Variants in HPSE2 observed in about 807,000 individuals in gnomAD.
HPSE2 encodes heparanase 2 (inactive).
In HPSE2, 38 loss-of-function variants were observed where a neutral mutation model predicts 60.5. That is an observed-to-expected ratio of 0.63 (90% CI 0.48 to 0.82). The LOEUF (loss-of-function observed/expected upper bound fraction) is 0.82. Ranked by LOEUF, HPSE2 falls within the 40% of genes least tolerant of loss-of-function variation. The pLI, the probability that HPSE2 is intolerant of heterozygous loss-of-function variation, is 0.00. For missense variants in HPSE2, 713 were observed against 740.4 expected (o/e 0.96, Z 0.43); for synonymous variants, 295 against 293.2 (o/e 1.01, Z -0.06).
chr10:99,073,288 T>C lies in HPSE2; in HGVS notation c.610+70950A>G, dbSNP rs1356465401. Among the ~76,000 whole-genome samples, 6 of 152,116 alleles carry C rather than the reference T, an allele frequency of 3.9e-5. No homozygotes were observed. In the South Asian group the frequency reaches 1.0e-3, roughly 26 times the overall value. ...GGTAGAGATACACAATGGAATACTA[T>C]GCAGCCATAAAAAGGAACAAGATCA... On this transcript the variant is annotated intron_variant, in intron 3 of 11. Coordinates refer to ENST00000370552, the MANE Select transcript of HPSE2 (RefSeq NM_021828.5).
At chr10:99,103,215 AT>A (rs1844087465) in intron 3 of HPSE2, among the ~76,000 whole-genome samples, 1 of 152,224 alleles carries the variant, frequency 6.6e-6, no homozygotes, top group Non-Finnish European at 1.5e-5. Flanking sequence ...AGATGACATG[AT>A]TGTATATCTA....
intron 3 of HPSE2, among the ~76,000 whole-genome samples, chr10:98,800,581 T>C (rs1398095869): frequency 6.6e-6 from 1 of 151,288 alleles, no homozygotes; most frequent in Non-Finnish European, 1.5e-5. Flanking sequence ...GGATAATTAG[T>C]GGCTATCATG....
chr10:99,251,671 G>A, the HPSE2 span, among the ~76,000 whole-genome samples: 1 of 102,466 alleles, frequency 9.8e-6, no homozygotes, highest in Admixed American at 1.1e-4. Flanking sequence ...TTGATTTCTA[G>A]GATGAAAGTT....
chr10:99,150,229 C>A (rs1846208920), intron 2 of HPSE2, among the ~76,000 whole-genome samples: 1 of 152,178 alleles, frequency 6.6e-6, no homozygotes, highest in African/African-American at 2.4e-5. Context: ...TTTATTCTTT[C>A]TTCCACAACT....
intron 11 of HPSE2, 111 bp from the exon 12 acceptor site, chr10:98,459,850 C>T (rs546751436): frequency 3.9e-6 from 4 of 1,016,326 alleles, no homozygotes; most frequent in East Asian, 2.6e-5. Flanking sequence ...ACACAGCTGA[C>T]ACTTATTGTT....
chr10:98,594,407 G>T (rs981473557), intron 9 of HPSE2, among the ~76,000 whole-genome samples: 9 of 151,822 alleles, frequency 5.9e-5, no homozygotes, highest in Admixed American at 2.0e-4. Flanking sequence ...TATCAATTCA[G>T]ATATATATCT....
chr10:98,506,074 A>G (rs1409897467), intron 9 of HPSE2, among the ~76,000 whole-genome samples: 1 of 152,108 alleles, frequency 6.6e-6, no homozygotes, highest in South Asian at 2.1e-4. Flanking sequence ...AGAATTTATA[A>G]TTCAAATAAG....
At chr10:98,983,674 T>G (rs1001695447) in intron 3 of HPSE2, among the ~76,000 whole-genome samples, 3 of 152,154 alleles carry the variant, frequency 2.0e-5, no homozygotes, top group Non-Finnish European at 4.4e-5. Context: ...AACTTCGGCG[T>G]GAGCCAAAGC....
intron 3 of HPSE2, among the ~76,000 whole-genome samples, chr10:98,763,448 T>A (rs1242009638): frequency 6.6e-6 from 1 of 151,442 alleles, no homozygotes; most frequent in Admixed American, 6.6e-5. Flanking sequence ...AGAAAAAAAA[T>A]CTTGAAAATA....
intron 9 of HPSE2, among the ~76,000 whole-genome samples, chr10:98,551,159 C>T (rs780986376): frequency 6.6e-6 from 1 of 151,966 alleles, no homozygotes; most frequent in African/African-American, 2.4e-5. Context: ...AGGCTGTGAG[C>T]GTTGTTGGGA....
chr10:98,467,465 T>C (rs1940584739), intron 11 of HPSE2, among the ~76,000 whole-genome samples: 1 of 151,834 alleles, frequency 6.6e-6, no homozygotes. Context: ...TCTCAGTTTC[T>C]GGATTGTTAA....
chr10:98,489,411 C>G (rs962060105), intron 10 of HPSE2, among the ~76,000 whole-genome samples: 1 of 152,176 alleles, frequency 6.6e-6, no homozygotes, highest in African/African-American at 2.4e-5. Flanking sequence ...GAGGATAACC[C>G]CACACTACCA....
Position 98,589,564 on chromosome 10 carries a change from C to T in HPSE2, c.1320+25340G>A, listed in dbSNP as rs151313084. 3.2e-3 allele frequency among the ~76,000 whole-genome samples: 491 copies of T among 152,288 alleles called. 2 individuals carry two copies. The highest frequency in any genetic ancestry group is 0.011 in the African/African-American group (468 of 41,538). On this transcript the variant is annotated intron_variant, in intron 9 of 11. Coordinates refer to ENST00000370552, the MANE Select transcript of HPSE2 (RefSeq NM_021828.5). ...TTCTGTGCCCTACAAGAAATCTATG[C>T]CCAATAAAAGAAATCAGCCCTCTCA...
chr10:98,906,379 T>C (rs141897034), intron 3 of HPSE2, among the ~76,000 whole-genome samples: 1 of 152,298 alleles, frequency 6.6e-6, no homozygotes, highest in African/African-American at 2.4e-5. Context: ...CACACATCTC[T>C]AGGTAATCCA....
the HPSE2 span, among the ~76,000 whole-genome samples, chr10:99,272,671 T>C: frequency 6.6e-6 from 1 of 152,054 alleles, no homozygotes; most frequent in Non-Finnish European, 1.5e-5. Flanking sequence ...TATGAAAAAT[T>C]GCTCAACATC....
intron 3 of HPSE2, among the ~76,000 whole-genome samples, chr10:98,858,278 T>G (rs572427164): frequency 1.4e-4 from 21 of 152,324 alleles, no homozygotes; most frequent in African/African-American, 4.8e-4. Context: ...TCTGCCACTC[T>G]TGACCTTGAT....
Position 98,508,083 on chromosome 10 carries a change from T to C in HPSE2, c.1321-17887A>G, listed in dbSNP as rs76189286. Reference sequence around the variant, plus strand: ...TTTAAATGTCTATAATAAAAAAAAATCCAAAGGAAGGCATGCATTACAATT... The same window carrying C: ...TTTAAATGTCTATAATAAAAAAAAACCCAAAGGAAGGCATGCATTACAATT... On this transcript the variant is annotated intron_variant, in intron 9 of 11. Coordinates refer to ENST00000370552, the MANE Select transcript of HPSE2 (RefSeq NM_021828.5). Among the ~76,000 whole-genome samples the C allele has an allele frequency of 3.1e-3, 476 of 151,870 alleles. 7 individuals are homozygous for C. The highest frequency in any genetic ancestry group is 0.029 in the East Asian group (152 of 5,172).
chr10:98,754,086 G>A (rs1029194488), intron 3 of HPSE2, among the ~76,000 whole-genome samples: 13 of 151,998 alleles, frequency 8.6e-5, no homozygotes, highest in African/African-American at 2.9e-4. Flanking sequence ...AGTCAAAACT[G>A]AATCCAAAAA....
At chr10:98,659,587 C>G (rs891222397) in intron 6 of HPSE2, among the ~76,000 whole-genome samples, 2 of 152,122 alleles carry the variant, frequency 1.3e-5, no homozygotes, top group Non-Finnish European at 2.9e-5. Context: ...TGGGATGATT[C>G]TACCTTTAAG....
Sources: gnomAD v4.1 joint callset for allele counts (sites outside exome capture counted in the v4.1 genomes callset) on GRCh38, gnomAD v4.1.1 for gene constraint, MANE v1.5 for transcripts, NCBI Gene and HGNC (gene_info 2026-07-23, HGNC 2026-07-21) for gene names.